Variants in AIF1L observed in about 807,000 individuals in gnomAD.
AIF1L encodes allograft inflammatory factor 1-like.
Under a neutral mutation model 20.7 loss-of-function variants are expected in AIF1L, and 12 were observed. That is an observed-to-expected ratio of 0.58 (90% CI 0.37 to 0.94). The LOEUF is 0.94. AIF1L is among the 40% of genes least tolerant of loss of function. The probability of loss-of-function intolerance (pLI) is 0.01; values close to 1 mark genes in which losing one functional copy is unlikely to be tolerated. For synonymous variants in AIF1L, 76 were observed against 65.1 expected (o/e 1.17, Z -0.81); for missense variants, 173 against 185.3 (o/e 0.93, Z 0.39).
chr9:131,099,455 T>A (rs1397679675), intron 2 of AIF1L, among the ~76,000 whole-genome samples: 2 of 152,362 alleles, frequency 1.3e-5, no homozygotes, highest in East Asian at 3.9e-4. Flanking sequence ...GGCAGAATTG[T>A]GCTGGCAGCC....
rs1402928358 is a variant in AIF1L, at chr9:131,117,797, C to T, written c.244C>T (p.Pro82Ser). 8 of 1,613,858 alleles carry T rather than the reference C, an allele frequency of 5.0e-6. No homozygotes were observed. Among genetic ancestry groups the T allele is most frequent in the African/African-American group, 1.3e-5 (1 of 75,002 alleles). The change falls in exon 5 of 6, where the codon CCC becomes TCC. Residue 82 changes from proline to serine, a missense_variant. By Grantham distance (74) the Pro-to-Ser change is moderately conservative. Transcript: ENST00000247291. Reference protein sequence around the residue: ...LKRMMEKLGVPKTHLEMKKMI... With the variant: ...LKRMMEKLGVSKTHLEMKKMI... The stretch of plus-strand genomic sequence containing the variant: ...GAGGATGATGGAGAAGCTTGGTGTC[C>T]CCAAGACCCACCTGGAGATGAAGAA...
intron 2 of AIF1L, among the ~76,000 whole-genome samples, chr9:131,108,894 T>C (rs139554921): frequency 2.0e-5 from 3 of 152,216 alleles, no homozygotes; most frequent in Admixed American, 2.0e-4. Flanking sequence ...CCCAGATTGC[T>C]TTATAGTCAG....
chr9:131,120,113 AAC>A, intron 5 of AIF1L, 120 bp from the exon 6 acceptor site: 1 of 870,080 alleles, frequency 1.1e-6, no homozygotes, highest in Non-Finnish European at 1.8e-6. Flanking sequence ...CCCACTGGAG[AAC>A]AGATTTAAAT....
Position 131,098,792 on chromosome 9 carries a change from A to G in AIF1L, c.93+1929A>G, listed in dbSNP as rs542682986. ...CTAACCACCTCAGGACAGCGCCCAG[A>G]GAGGGCAAGCAGCTGACCCAAGGCC... is the stretch of plus-strand genomic sequence containing the variant. On this transcript the variant is annotated intron_variant, in intron 2 of 5. Transcript: ENST00000247291. Among the ~76,000 whole-genome samples the G allele has an allele frequency of 1.6e-4, 24 of 152,338 alleles. No homozygotes were observed. In the East Asian group the frequency reaches 4.4e-3, roughly 28 times the overall value.
At chr9:131,102,194 T>G (rs1200183153) in intron 2 of AIF1L, among the ~76,000 whole-genome samples, 1 of 152,174 alleles carries the variant, frequency 6.6e-6, no homozygotes, top group Non-Finnish European at 1.5e-5. Flanking sequence ...ATTGCAGGTA[T>G]GAGCCACTGC....
chr9:131,111,551 T>G, intron 2 of AIF1L, 46 bp from the exon 3 acceptor site: 1 of 1,579,578 alleles, frequency 6.3e-7, no homozygotes. Flanking sequence ...TGTGGGTGAC[T>G]TCTGTCCCCA....
At chr9:131,102,073 C>T (rs1027030591) in intron 2 of AIF1L, among the ~76,000 whole-genome samples, 1 of 152,046 alleles carries the variant, frequency 6.6e-6, no homozygotes, top group Non-Finnish European at 1.5e-5. Flanking sequence ...CCCACCACCA[C>T]GGCTAATTTT....
intron 4 of AIF1L, among the ~76,000 whole-genome samples, chr9:131,115,449 C>CAAAAAAA (rs746698091): frequency 6.6e-5 from 4 of 60,398 alleles, no homozygotes; most frequent in East Asian, 6.6e-4. Context: ...GATTCTGTCT[C>CAAAAAAA]AAAAAAAAAA....
chr9:131,113,024 C>T (rs979788921), intron 3 of AIF1L, among the ~76,000 whole-genome samples: 2 of 151,990 alleles, frequency 1.3e-5, no homozygotes, highest in East Asian at 1.9e-4. Flanking sequence ...CCATGGTGAA[C>T]GTAAAAGGCA....
In AIF1L at chr9:131,108,959, A is replaced by G. The variant is rs145584323; in HGVS notation, c.94-2638A>G. Among the ~76,000 whole-genome samples, 20 of 152,332 alleles carry G rather than the reference A, an allele frequency of 1.3e-4. No individual in the cohort carries two copies. The East Asian group carries it at 3.5e-3, about 26-fold the overall frequency. On this transcript the variant is annotated intron_variant, in intron 2 of 5. Transcript: ENST00000247291. ...AAGCCTCTTAGGAGTTTGCAACAAT[A>G]GACTAGGAAGGTAGTGAGTTCTCTG...
chr9:131,108,479 C>T (rs1294072645), intron 2 of AIF1L, among the ~76,000 whole-genome samples: 7 of 152,108 alleles, frequency 4.6e-5, no homozygotes, highest in Admixed American at 1.3e-4. Context: ...GGATTACAGA[C>T]GTGAGCCACT....
In AIF1L at chr9:131,121,682, CT is replaced by C. The variant is rs1564171377; in HGVS notation, c.*1361del. On this transcript the variant is annotated 3_prime_UTR_variant, in exon 6 of 6. Transcript: ENST00000247291. ...AGTTAGTTATGAGAACAGGGAAGGGCTGGGAAGAGACAGCCTCCAAGGTCAA... is the reference window on the plus strand; with the variant it reads ...AGTTAGTTATGAGAACAGGGAAGGGCGGGAAGAGACAGCCTCCAAGGTCAA... The C allele has an allele frequency of 6.6e-6, 1 of 152,612 alleles. No individual in the cohort carries two copies. The allele number at this position is 152,612 out of a possible 1,614,324, so 9.5% of individuals were successfully genotyped here.
chr9:131,116,799 C>T (rs1048804658), intron 4 of AIF1L, among the ~76,000 whole-genome samples: 4 of 152,236 alleles, frequency 2.6e-5, no homozygotes, highest in African/African-American at 2.4e-5. Flanking sequence ...CCGAACTGCC[C>T]GAGAAAGGTC....
intron 2 of AIF1L, among the ~76,000 whole-genome samples, chr9:131,100,821 T>A (rs1830623045): frequency 6.6e-6 from 1 of 152,236 alleles, no homozygotes; most frequent in South Asian, 2.1e-4. Context: ...AGGGTGGCTG[T>A]GCCCTGGGAC....
chr9:131,118,389 G>C (rs1564169942), intron 5 of AIF1L, among the ~76,000 whole-genome samples: 2 of 151,046 alleles, frequency 1.3e-5, no homozygotes, highest in African/African-American at 4.9e-5. Context: ...CACCACACCC[G>C]GCCCAAATGG....
At chr9:131,109,140 T>C (rs993271897) in intron 2 of AIF1L, among the ~76,000 whole-genome samples, 3 of 79,218 alleles carry the variant, frequency 3.8e-5, no homozygotes, top group Admixed American at 1.2e-4. Flanking sequence ...CTCTGCTCCC[T>C]TGATGCTAGC....
At chr9:131,117,110 G>T (rs1174350253) in intron 4 of AIF1L, among the ~76,000 whole-genome samples, 38 of 152,156 alleles carry the variant, frequency 2.5e-4, no homozygotes, top group Non-Finnish European at 2.9e-5. Context: ...TGACATTCTG[G>T]GGCCTCCCTT....
chr9:131,101,139 G>A (rs1251130464), intron 2 of AIF1L, among the ~76,000 whole-genome samples: 4 of 151,804 alleles, frequency 2.6e-5, no homozygotes, highest in Non-Finnish European at 4.4e-5. Context: ...CTCGTGATCC[G>A]CCCCCCTCGG....
Position 131,121,216 on chromosome 9 carries a change from G to C in AIF1L, c.*894G>C. The stretch of plus-strand genomic sequence containing the variant: ...CTGAGAAATACAAGGTTGCTTGTCT[G>C]ACCCCAATCTGCTTGAAACCTGACT... On this transcript the variant is annotated 3_prime_UTR_variant, in exon 6 of 6. Coordinates refer to ENST00000247291, the MANE Select transcript of AIF1L (RefSeq NM_031426.4). The C allele has an allele frequency of 1.5e-6, 1 of 667,166 alleles. No individual in the cohort carries two copies. The allele number at this position is 667,166 out of a possible 1,614,324, so 41.3% of individuals were successfully genotyped here.
Sources: allele counts gnomAD v4.1 joint callset (sites outside exome capture counted in the v4.1 genomes callset), GRCh38; gene constraint gnomAD v4.1.1; transcripts MANE v1.5; gene names NCBI Gene and HGNC (gene_info 2026-07-23, HGNC 2026-07-21).